SOX5: variants seen among roughly 807,000 people sequenced by gnomAD.
SOX5 encodes SRY-box transcription factor 5.
A neutral mutation model predicts 92.0 loss-of-function variants in SOX5; 9 were observed. The ratio of observed to expected loss-of-function variants is 0.10; its 90% CI spans 0.06 to 0.17. SOX5 has a LOEUF of 0.17. Among genes scored for constraint, SOX5 ranks in the 10% least tolerant of loss-of-function variants. SOX5 has a pLI of 1.00. For synonymous variants in SOX5, 344 were observed against 336.3 expected, an observed-to-expected ratio of 1.02 and a Z score of -0.25; for missense variants, 642 against 944.5, an observed-to-expected ratio of 0.68 and a Z score of 4.20.
intron 6 of SOX5, among the ~76,000 whole-genome samples, chr12:23,728,894 T>C (rs1000337686): frequency 6.6e-6 from 1 of 152,140 alleles, no homozygotes; most frequent in Non-Finnish European, 1.5e-5. Context: ...TAACCTTACT[T>C]AGTTTTAGTT....
chr12:24,094,437 C>A (rs1298308818), intron 4 of SOX5, among the ~76,000 whole-genome samples: 1 of 145,466 alleles, frequency 6.9e-6, no homozygotes, highest in African/African-American at 2.5e-5. Flanking sequence ...TTTCCAATAC[C>A]TCTCCACTAT....
intron 4 of SOX5, among the ~76,000 whole-genome samples, chr12:24,100,497 G>C (rs979669970): frequency 6.6e-6 from 1 of 151,962 alleles, no homozygotes; most frequent in Non-Finnish European, 1.5e-5. Flanking sequence ...TTCTTTCTCA[G>C]TCTTGTTCCA....
chr12:24,067,789 A>G (rs576758164), intron 4 of SOX5, among the ~76,000 whole-genome samples: 54 of 152,218 alleles, frequency 3.5e-4, no homozygotes, highest in Non-Finnish European at 6.2e-4. Context: ...TAGGCAGTAG[A>G]AAAACAAGAA....
intron 1 of SOX5, among the ~76,000 whole-genome samples, chr12:24,499,718 CTT>C (rs1948001829): frequency 6.7e-6 from 1 of 149,778 alleles, no homozygotes; most frequent in Non-Finnish European, 1.5e-5. Flanking sequence ...GCTAATAACA[CTT>C]TAAAGTCACT....
At chr12:23,617,584 G>A (rs142134923) in intron 8 of SOX5, among the ~76,000 whole-genome samples, 1 of 152,230 alleles carries the variant, frequency 6.6e-6, no homozygotes, top group East Asian at 1.9e-4. Flanking sequence ...AGTGTTAGGA[G>A]GGTGTGAAGA....
chr12:23,541,982 C>T (rs1221689302), intron 13 of SOX5, among the ~76,000 whole-genome samples: 2 of 152,086 alleles, frequency 1.3e-5, no homozygotes, highest in Admixed American at 6.5e-5. Context: ...TGGTGTCCCG[C>T]GCCTGTCATC....
intron 4 of SOX5, among the ~76,000 whole-genome samples, chr12:24,084,766 G>T (rs1943765322): frequency 6.6e-6 from 1 of 151,878 alleles, no homozygotes; most frequent in Non-Finnish European, 1.5e-5. Context: ...AACCCAAAAG[G>T]CATAAACTGC....
chr12:23,603,467 T>TAAAATATATATATATATATATATATA (rs1566226312), intron 9 of SOX5, among the ~76,000 whole-genome samples: 1 of 92,048 alleles, frequency 1.1e-5, no homozygotes, highest in Non-Finnish European at 2.9e-5. Flanking sequence ...TATATATATA[T>TAAAATATATATATATATATATATATA]TTTGCTGGTA....
chr12:24,364,840 C>A (rs1438708315), intron 2 of SOX5, among the ~76,000 whole-genome samples: 1 of 151,940 alleles, frequency 6.6e-6, no homozygotes, highest in Admixed American at 6.6e-5. Flanking sequence ...GATCAGAAAT[C>A]CATGAACGTC....
chr12:23,578,942 C>T (rs1565992080), intron 9 of SOX5, among the ~76,000 whole-genome samples: 4 of 69,690 alleles, frequency 5.7e-5, no homozygotes, highest in Non-Finnish European at 1.5e-4. Flanking sequence ...AGAAACAAAA[C>T]AAAGCAAAGC....
intron 6 of SOX5, among the ~76,000 whole-genome samples, chr12:23,715,809 C>T (rs1204011905): frequency 4.1e-5 from 3 of 72,808 alleles, no homozygotes; most frequent in African/African-American, 1.5e-4. Context: ...AGTAATTTCC[C>T]AAAAAAAAAA....
intron 3 of SOX5, chr12:24,277,080 A>G (rs1944518699): frequency 1.3e-5 from 2 of 152,118 alleles, no homozygotes; most frequent in South Asian, 2.1e-4. Context: ...ACTATGTACT[A>G]TACTTTTATA....
chr12:23,637,527 T>A (rs1331335106), intron 8 of SOX5, among the ~76,000 whole-genome samples: 1 of 152,106 alleles, frequency 6.6e-6, no homozygotes, highest in African/African-American at 2.4e-5. Context: ...TCCCACCCTA[T>A]CTTTCCATTC....
chr12:23,701,401 T>C (rs1025918863), intron 6 of SOX5, among the ~76,000 whole-genome samples: 49 of 151,990 alleles, frequency 3.2e-4, no homozygotes, highest in Admixed American at 3.1e-3. Flanking sequence ...GCAGCTAGAT[T>C]TTGTTATTTT....
chr12:23,609,054 A>G (rs7968452), intron 8 of SOX5, among the ~76,000 whole-genome samples: 108,280 of 151,958 alleles, frequency 0.71, 38,698 homozygotes, highest in Middle Eastern at 0.74. Flanking sequence ...TCATAGAAGA[A>G]ATGGAGTTAA....
intron 1 of SOX5, among the ~76,000 whole-genome samples, chr12:23,901,519 CT>C (rs1284984078): frequency 6.6e-6 from 1 of 152,146 alleles, no homozygotes; most frequent in African/African-American, 2.4e-5. Context: ...TAACGCTTGC[CT>C]TCTTCCTCTC....
chr12:24,079,161 T>G (rs1943018392), intron 4 of SOX5, among the ~76,000 whole-genome samples: 1 of 149,736 alleles, frequency 6.7e-6, no homozygotes, highest in African/African-American at 2.5e-5. Context: ...GAAAAAAAAG[T>G]AGGGTGGATA....
At chr12:24,177,862 A>G (rs903841605) in intron 4 of SOX5, among the ~76,000 whole-genome samples, 3 of 152,182 alleles carry the variant, frequency 2.0e-5, no homozygotes, top group Non-Finnish European at 2.9e-5. Context: ...CAAAAGATGC[A>G]TTGCGATAAT....
At chr12:23,668,036 G>C (rs539674381) in intron 6 of SOX5, among the ~76,000 whole-genome samples, 2 of 152,086 alleles carry the variant, frequency 1.3e-5, no homozygotes, top group African/African-American at 2.4e-5. Context: ...TAACAATTTT[G>C]TTGGTAATTT....
Sources: allele counts gnomAD v4.1 joint callset (sites outside exome capture counted in the v4.1 genomes callset), GRCh38; gene constraint gnomAD v4.1.1; transcripts MANE v1.5; gene names NCBI Gene and HGNC (gene_info 2026-07-23, HGNC 2026-07-21).